The following FOCAD variants were observed in gnomAD, a reference collection of about 807,000 sequenced individuals.
FOCAD encodes the protein focadhesin, also known as KIAA1797.
Under a neutral mutation model 225.6 loss-of-function variants are expected in FOCAD, and 198 were observed. The ratio of observed to expected loss-of-function variants is 0.88; its 90% CI spans 0.78 to 0.99. The LOEUF (loss-of-function observed/expected upper bound fraction) is 0.99. Among genes scored for constraint, FOCAD ranks in the 50% least tolerant of loss-of-function variants. FOCAD has a pLI of 0.00. For synonymous variants in FOCAD, 897 were observed against 755.0 expected (o/e 1.19, Z -3.08); for missense variants, 2,713 against 2,123.6 (o/e 1.28, Z -5.46).
intron 7 of FOCAD, among the ~76,000 whole-genome samples, chr9:20,768,471 C>G (rs970312809): frequency 1.3e-5 from 2 of 151,466 alleles, no homozygotes; most frequent in African/African-American, 4.9e-5. Flanking sequence ...ATGGAATGTT[C>G]TTCCATTTGT....
chr9:20,682,066 C>T (rs1444915761), upstream of FOCAD, among the ~76,000 whole-genome samples: 5 of 152,124 alleles, frequency 3.3e-5, no homozygotes, highest in East Asian at 1.9e-4. Flanking sequence ...TTATAAAAGA[C>T]GCTTCAGGTA....
At chr9:20,907,415 T>C (rs544133334) in intron 22 of FOCAD, among the ~76,000 whole-genome samples, 173 bp downstream of exon 22, 7 of 152,168 alleles carry the variant, frequency 4.6e-5, no homozygotes, top group Non-Finnish European at 8.8e-5. Flanking sequence ...TTGCTGCACT[T>C]AAACATCAAT....
chr9:20,784,877 G>A (rs1258286867), intron 10 of FOCAD, among the ~76,000 whole-genome samples: 2 of 151,786 alleles, frequency 1.3e-5, no homozygotes, highest in African/African-American at 2.4e-5. Context: ...TTATTATGTG[G>A]GCCAACTCGT....
At chr9:20,873,574 A>G (rs1456297776) in intron 18 of FOCAD, among the ~76,000 whole-genome samples, 6 of 152,286 alleles carry the variant, frequency 3.9e-5, no homozygotes, top group African/African-American at 1.4e-4. Context: ...AATCTGAATT[A>G]AATCTTGTCT....
intron 1 of FOCAD, among the ~76,000 whole-genome samples, chr9:20,684,842 T>C (rs549883449): frequency 9.8e-5 from 15 of 152,336 alleles, no homozygotes; most frequent in African/African-American, 2.9e-4. Context: ...TTCAGTCTCC[T>C]AGTTCTCTGG....
chr9:20,708,578 C>T (rs1419250649), intron 1 of FOCAD, among the ~76,000 whole-genome samples: 4 of 151,556 alleles, frequency 2.6e-5, no homozygotes, highest in African/African-American at 4.9e-5. Context: ...GAGACCAGCC[C>T]GAGGAACAGA....
At chr9:20,663,515 A>G (rs1232194252) in intron 2 of FOCAD, among the ~76,000 whole-genome samples, 1 of 152,056 alleles carries the variant, frequency 6.6e-6, no homozygotes, top group Non-Finnish European at 1.5e-5. Context: ...ACATACACAC[A>G]GTTTATGACT....
chr9:20,947,381 G>T (rs1247973798), intron 30 of FOCAD, among the ~76,000 whole-genome samples: 1 of 152,144 alleles, frequency 6.6e-6, no homozygotes, highest in East Asian at 1.9e-4. Flanking sequence ...TATGCTAAAT[G>T]AAATAAACAA....
chr9:20,794,490 G>C (rs558917096), intron 11 of FOCAD, among the ~76,000 whole-genome samples: 96 of 152,284 alleles, frequency 6.3e-4, no homozygotes, highest in Non-Finnish European at 1.2e-4. Context: ...AGGAATTCCA[G>C]GGTGAAAGAA....
At chr9:20,819,527 C>A (rs1313596744) in intron 11 of FOCAD, among the ~76,000 whole-genome samples, 1 of 152,008 alleles carries the variant, frequency 6.6e-6, no homozygotes, top group East Asian at 1.9e-4. Flanking sequence ...CAGGGTGTAT[C>A]TTAACTACTA....
intron 35 of FOCAD, among the ~76,000 whole-genome samples, chr9:20,962,497 G>C (rs1183111632): frequency 6.6e-6 from 1 of 151,628 alleles, no homozygotes; most frequent in Non-Finnish European, 1.5e-5. Flanking sequence ...GCAGCATTTA[G>C]CTGGAGAAAG....
chr9:20,941,997 T>G lies in FOCAD; in HGVS notation c.3408-2630T>G, dbSNP rs569956009. Among the ~76,000 whole-genome samples the G allele has an allele frequency of 4.1e-4, 62 of 152,206 alleles. 1 individual carries two copies. The highest frequency in any genetic ancestry group is 1.4e-3 in the African/African-American group (60 of 41,544). On this transcript the variant is annotated intron_variant, in intron 28 of 43. Coordinates refer to ENST00000338382, the MANE Select transcript of FOCAD (RefSeq NM_001375567.1). The stretch of plus-strand genomic sequence containing the variant: ...CATTAAAATATAGAAGATTTAGAAA[T>G]CAGAGGGAAATCAGGAATAAAGTTT...
At chr9:20,889,357 C>T (rs73648441) in intron 21 of FOCAD, among the ~76,000 whole-genome samples, 1,694 of 152,310 alleles carry the variant, frequency 0.011, 30 homozygotes, top group African/African-American at 0.038. Context: ...GGATATACCA[C>T]ATTTAATTTA....
At chr9:20,917,574 T>G (rs1833979385) in intron 24 of FOCAD, among the ~76,000 whole-genome samples, 1 of 152,134 alleles carries the variant, frequency 6.6e-6, no homozygotes, top group Non-Finnish European at 1.5e-5. Context: ...TTCCTGGCAG[T>G]AAGTTACATG....
intron 22 of FOCAD, among the ~76,000 whole-genome samples, chr9:20,909,388 G>A (rs559715156): frequency 2.6e-5 from 4 of 152,054 alleles, no homozygotes; most frequent in Admixed American, 1.3e-4. Context: ...GAGCCTTAGC[G>A]TTTTCCACTG....
At chr9:20,768,264 C>T (rs1386626065) in intron 7 of FOCAD, among the ~76,000 whole-genome samples, 1 of 150,572 alleles carries the variant, frequency 6.6e-6, no homozygotes, top group Non-Finnish European at 1.5e-5. Context: ...TAGTGTGATG[C>T]CTCCAGCTTT....
At chr9:20,845,701 G>C (rs1564065053) in intron 15 of FOCAD, among the ~76,000 whole-genome samples, 1 of 151,844 alleles carries the variant, frequency 6.6e-6, no homozygotes, top group Non-Finnish European at 1.5e-5. Context: ...TCTCCCATAT[G>C]GACTCCTACC....
chr9:20,789,464 A>T lies in FOCAD; in HGVS notation c.1311A>T (p.Ser437=), dbSNP rs202143230. The part of the protein sequence containing the change: ...DSSAASDWLA[S]VESLLPITAV... ...CTGCTGCAAGTGACTGGTTGGCTTC[A>T]GTAGAGTCATTGCTTCCTATTACTG... Residue 437 remains serine (S), a synonymous_variant, in exon 11 of 44, where the codon TCA becomes TCT. Transcript: ENST00000338382. The T allele has an allele frequency of 8.7e-6, 14 of 1,614,000 alleles. No individual in the cohort carries two copies. The highest frequency in any genetic ancestry group is 1.2e-5 in the Non-Finnish European group (14 of 1,179,966).
intron 18 of FOCAD, among the ~76,000 whole-genome samples, chr9:20,869,441 T>C (rs1369948308): frequency 6.6e-6 from 1 of 152,222 alleles, no homozygotes; most frequent in Non-Finnish European, 1.5e-5. Context: ...TTTACTTAAA[T>C]ATTTCTTGTT....
Sources: gnomAD v4.1 joint callset for allele counts (sites outside exome capture counted in the v4.1 genomes callset) on GRCh38, gnomAD v4.1.1 for gene constraint, MANE v1.5 for transcripts, NCBI Gene and HGNC (gene_info 2026-07-23, HGNC 2026-07-21) for gene names.